The following GALNT18 variants were observed in gnomAD, a reference collection of about 807,000 sequenced individuals.
GALNT18 encodes the protein polypeptide N-acetylgalactosaminyltransferase 18, also known as GalNAc-transferase 18.
GALNT18 carries 44 observed loss-of-function variants against 69.5 expected under a neutral mutation model. The ratio of observed to expected loss-of-function variants is 0.63; its 90% CI spans 0.50 to 0.81. GALNT18 has a LOEUF of 0.81. Among genes scored for constraint, GALNT18 ranks in the 40% least tolerant of loss-of-function variants. The pLI is 0.00. For synonymous variants in GALNT18, 364 were observed against 318.2 expected (o/e 1.14, Z -1.53); for missense variants, 715 against 810.0 (o/e 0.88, Z 1.42).
chr11:11,348,977 CCT>C (rs1850351989), intron 6 of GALNT18, among the ~76,000 whole-genome samples: 1 of 152,172 alleles, frequency 6.6e-6, no homozygotes, highest in Non-Finnish European at 1.5e-5. Flanking sequence ...ACCTTAGAAA[CCT>C]CTGAGTGCTT....
At position 11,606,191 on chromosome 11, in the gene GALNT18, A is replaced by G. The variant is rs1387257872; in HGVS notation, c.235+15168T>C. ...CTGAGAGGTTTTAGGCAGCTGGTTT[A>G]TTTATTCATGTGTTTACTCAGCAAA... On this transcript the variant is annotated intron_variant, in intron 1 of 10. Coordinates refer to ENST00000227756, the MANE Select transcript of GALNT18 (RefSeq NM_198516.3). The surrounding 1 kb of genome is among the most constrained non-coding windows in gnomAD (Gnocchi z 5.4). Among the ~76,000 whole-genome samples, 2 of 152,116 alleles carry G rather than the reference A, an allele frequency of 1.3e-5. No homozygotes were observed. Among genetic ancestry groups the G allele is most frequent in the African/African-American group, 4.8e-5 (2 of 41,402 alleles).
At chr11:11,326,392 T>G (rs1287738894) in intron 9 of GALNT18, among the ~76,000 whole-genome samples, 1 of 152,208 alleles carries the variant, frequency 6.6e-6, no homozygotes, top group African/African-American at 2.4e-5. Context: ...AAGTAAACTC[T>G]GGGAATGTTA....
At chr11:11,351,526 G>A (rs1267379472) in intron 6 of GALNT18, among the ~76,000 whole-genome samples, 2 of 152,174 alleles carry the variant, frequency 1.3e-5, no homozygotes, top group Non-Finnish European at 2.9e-5. Context: ...ACAAGGCTGG[G>A]AAGGTAAGCT....
Position 11,592,114 on chromosome 11 carries a change from C to G in GALNT18, c.235+29245G>C, listed in dbSNP as rs76849125. On this transcript the variant is annotated intron_variant, in intron 1 of 10. Transcript: ENST00000227756. This position sits in a 1 kb window ranked among gnomAD's most constrained non-coding sequence, Gnocchi z 5.9. ...TGTAATAAAACTCAATAAATGCTAGCTATTTGGCACAAACCAGAAAAACTT... is the reference window on the plus strand; with the variant it reads ...TGTAATAAAACTCAATAAATGCTAGGTATTTGGCACAAACCAGAAAAACTT... Among the ~76,000 whole-genome samples the G allele has an allele frequency of 5.6e-3, 859 of 152,270 alleles. 6 individuals carry two copies. The highest frequency in any genetic ancestry group is 0.02 in the African/African-American group (833 of 41,550).
chr11:11,352,978 C>T (rs915832896), intron 6 of GALNT18: 8 of 1,613,968 alleles, frequency 5.0e-6, no homozygotes, highest in Non-Finnish European at 6.8e-6. Flanking sequence ...CTGTATTTAC[C>T]TCGGCCTAAT....
intron 1 of GALNT18, among the ~76,000 whole-genome samples, chr11:11,574,992 G>T (rs1379285974): frequency 2.0e-5 from 3 of 152,118 alleles, no homozygotes; most frequent in Non-Finnish European, 4.4e-5. Context: ...TTAAGTATTT[G>T]GGTTCATCTA....
chr11:11,290,358 C>T (rs1381593586), intron 10 of GALNT18, among the ~76,000 whole-genome samples: 1 of 152,226 alleles, frequency 6.6e-6, no homozygotes, highest in Non-Finnish European at 1.5e-5. Flanking sequence ...CCTAATCTAG[C>T]TTCACAATCC....
Position 11,503,855 on chromosome 11 carries a change from A to T in GALNT18, c.236-54919T>A, listed in dbSNP as rs561915350. Reference sequence around the variant, plus strand: ...GAATTTTCTCAAGTTTAGCACCCCCATACAGCAATCTCCCTGGTCAAATCA... The same window carrying T: ...GAATTTTCTCAAGTTTAGCACCCCCTTACAGCAATCTCCCTGGTCAAATCA... On this transcript the variant is annotated intron_variant, in intron 1 of 10. Coordinates refer to ENST00000227756, the MANE Select transcript of GALNT18 (RefSeq NM_198516.3). Among the ~76,000 whole-genome samples the T allele has an allele frequency of 9.2e-5, 14 of 152,278 alleles. No homozygotes were observed. In the South Asian group the frequency reaches 2.9e-3, roughly 32 times the overall value.
intron 6 of GALNT18, among the ~76,000 whole-genome samples, chr11:11,358,803 G>C (rs1227567547): frequency 1.7e-5 from 2 of 117,096 alleles, no homozygotes; most frequent in Non-Finnish European, 3.8e-5. Context: ...CAGTGGCAAA[G>C]CTAACAGCCC....
chr11:11,508,391 T>G (rs1857109094), intron 1 of GALNT18, among the ~76,000 whole-genome samples: 1 of 152,210 alleles, frequency 6.6e-6, no homozygotes, highest in South Asian at 2.1e-4. Context: ...GTTGTGCTCA[T>G]CCCACTGCAC....
intron 1 of GALNT18, among the ~76,000 whole-genome samples, chr11:11,488,054 A>G (rs1046718839): frequency 2.6e-5 from 4 of 152,208 alleles, no homozygotes; most frequent in Admixed American, 6.5e-5. Context: ...TGTGCAAGCT[A>G]TTTATTCTCC....
At position 11,324,685 on chromosome 11, in the gene GALNT18, G is replaced by A. The variant is rs187509703; in HGVS notation, c.1512+2401C>T. ...ATGTAGAGCATTTTTTCATATGTTT[G>A]TTAGCTGTTTGTATATTTCTTTTGA... On this transcript the variant is annotated intron_variant, in intron 9 of 10. Transcript: ENST00000227756. Among the ~76,000 whole-genome samples, 299 of 151,872 alleles carry A rather than the reference G, an allele frequency of 2.0e-3. 5 individuals are homozygous for A. The highest frequency in any genetic ancestry group is 3.8e-4 in the Non-Finnish European group (26 of 67,926).
chr11:11,308,408 G>GC (rs1381202623), intron 9 of GALNT18, among the ~76,000 whole-genome samples: 1 of 152,032 alleles, frequency 6.6e-6, no homozygotes, highest in African/African-American at 2.4e-5. Flanking sequence ...CCCCTGATAT[G>GC]CTCTGTGCTT....
chr11:11,285,019 A>G (rs1056739686), intron 10 of GALNT18, among the ~76,000 whole-genome samples: 1 of 148,272 alleles, frequency 6.7e-6, no homozygotes, highest in Admixed American at 6.8e-5. Flanking sequence ...CCTTGGACTG[A>G]AGATGGGGTA....
At position 11,352,739 on chromosome 11, in the gene GALNT18, C is replaced by A. The variant is rs190686601; in HGVS notation, c.1093-11735G>T. On this transcript the variant is annotated intron_variant, in intron 6 of 10. Transcript: ENST00000227756. The stretch of plus-strand genomic sequence containing the variant: ...AAAATCGAATATCATAGTCTGTTAA[C>A]GTCTGGTACAATTGCTTGAAGTCTG... The A allele has an allele frequency of 1.5e-5, 25 of 1,614,006 alleles. No individual in the cohort carries two copies. The African/African-American group carries it at 2.8e-4, about 18-fold the overall frequency.
intron 1 of GALNT18, among the ~76,000 whole-genome samples, chr11:11,467,154 C>T (rs1320235292): frequency 5.3e-5 from 8 of 152,162 alleles, no homozygotes; most frequent in Admixed American, 5.2e-4. Flanking sequence ...TGTGTGCCCA[C>T]CGGCTGCATA....
intron 3 of GALNT18, among the ~76,000 whole-genome samples, chr11:11,425,029 CCATG>C (rs1219680083): frequency 3.9e-5 from 6 of 152,158 alleles, no homozygotes; most frequent in Non-Finnish European, 7.3e-5. Context: ...CTCAGCTCTG[CCATG>C]CAAAGAAGTG....
At position 11,621,378 on chromosome 11, in the gene GALNT18, G is replaced by A; in HGVS notation, c.216C>T (p.Val72=). 6.2e-7 allele frequency: 1 copy of A among 1,613,972 alleles called. No individual in the cohort carries two copies. Among genetic ancestry groups the A allele is most frequent in the African/African-American group, 1.3e-5 (1 of 75,034 alleles). The change falls in exon 1 of 11, where the codon GTC becomes GTT. Residue 72 remains valine (V), a synonymous_variant. Coordinates refer to ENST00000227756, the MANE Select transcript of GALNT18 (RefSeq NM_198516.3). This position sits in a 1 kb window ranked among gnomAD's most constrained non-coding sequence, Gnocchi z 9.3. ...CCGTACCTTGAATGTGCTGCTTGAT[G>A]ACATTCTCCAGGTGGTCCAGCCGCT... ...IIERLDHLEN[V]IKQHIQEAPA... is the part of the protein sequence containing the mutation.
chr11:11,344,564 G>C (rs1261913363), intron 6 of GALNT18, among the ~76,000 whole-genome samples: 1 of 152,244 alleles, frequency 6.6e-6, no homozygotes, highest in African/African-American at 2.4e-5. Context: ...ATCTGGGCCA[G>C]GTGGGAGTAG....
Sources: allele counts gnomAD v4.1 joint callset (sites outside exome capture counted in the v4.1 genomes callset), GRCh38; gene constraint gnomAD v4.1.1; non-coding constraint Gnocchi (gnomAD v3.1); transcripts MANE v1.5; gene names NCBI Gene and HGNC (gene_info 2026-07-23, HGNC 2026-07-21).